Variants in SPRY3 observed in about 807,000 individuals in gnomAD.
SPRY3 encodes sprouty RTK signaling antagonist 3, also known as protein sprouty homolog 3.
Under a neutral mutation model 20.2 loss-of-function variants are expected in SPRY3, and 15 were observed. That is an observed-to-expected ratio of 0.74 (90% confidence interval 0.50 to 1.14). The LOEUF is 1.14. Among genes scored for constraint, SPRY3 ranks in the 50% most tolerant of loss-of-function variants. The probability of loss-of-function intolerance (pLI) is 0.00; values close to 1 mark genes in which losing one functional copy is unlikely to be tolerated. For missense variants in SPRY3, 364 were observed against 363.9 expected, an observed-to-expected ratio of 1.00 and a Z score of 0.00; for synonymous variants, 143 against 136.5, an observed-to-expected ratio of 1.05 and a Z score of -0.33.
intron 2 of SPRY3, among the ~76,000 whole-genome samples, chrX:155,744,883 C>A (rs1412393731): frequency 2.6e-5 from 4 of 151,914 alleles, no homozygotes; most frequent in Admixed American, 1.3e-4. Context: ...TTGGATTGGG[C>A]TTCAGGGGTT....
At chrX:155,646,957 T>A (rs782725277) in intron 1 of SPRY3, among the ~76,000 whole-genome samples, 1 of 111,857 alleles carries the variant, frequency 8.9e-6, no homozygotes, top group South Asian at 3.7e-4. Context: ...TATGTGAAGG[T>A]ACATTTTTTT....
intron 3 of SPRY3, among the ~76,000 whole-genome samples, chrX:155,771,064 G>T (rs1476804593): frequency 6.6e-6 from 1 of 152,162 alleles, no homozygotes; most frequent in Admixed American, 6.5e-5. Flanking sequence ...AGTTCATCCT[G>T]TCAGTTCCCT....
chrX:155,723,063 C>G (rs1408329250), intron 2 of SPRY3, among the ~76,000 whole-genome samples: 1 of 151,858 alleles, frequency 6.6e-6, no homozygotes, highest in African/African-American at 2.4e-5. Context: ...ATACTTTGCT[C>G]AGAATGATGG....
intron 2 of SPRY3, among the ~76,000 whole-genome samples, chrX:155,686,904 A>T (rs2068089365): frequency 8.9e-6 from 1 of 112,319 alleles, no homozygotes; most frequent in African/African-American, 3.2e-5. Flanking sequence ...GAAAGAAGAA[A>T]CGGGATATTC....
downstream of SPRY3, chrX:155,779,038 A>T (rs1243033959): frequency 6.0e-6 from 1 of 167,018 alleles, no homozygotes; most frequent in Admixed American, 6.5e-5. Context: ...TAATTTCGCA[A>T]TTTTTTGTGA....
chrX:155,739,148 T>G (rs1445966476), intron 2 of SPRY3, among the ~76,000 whole-genome samples: 1 of 151,552 alleles, frequency 6.6e-6, no homozygotes, highest in Admixed American at 6.6e-5. Flanking sequence ...CCAGCAGGAG[T>G]TCTCCATAAG....
At chrX:155,766,060 CAGG>C (rs1165725829) in intron 2 of SPRY3, among the ~76,000 whole-genome samples, 23 of 152,280 alleles carry the variant, frequency 1.5e-4, no homozygotes, top group African/African-American at 4.8e-4. Flanking sequence ...AGAGAATTTA[CAGG>C]AGATTTCCTG....
chrX:155,746,565 G>A (rs2091227696), intron 2 of SPRY3, among the ~76,000 whole-genome samples: 3 of 151,920 alleles, frequency 2.0e-5, no homozygotes, highest in African/African-American at 7.2e-5. Flanking sequence ...GTGTAAAGGG[G>A]AGAAAACATT....
At chrX:155,708,783 A>G (rs373076255) in intron 2 of SPRY3, among the ~76,000 whole-genome samples, 1 of 151,388 alleles carries the variant, frequency 6.6e-6, no homozygotes, top group Non-Finnish European at 1.5e-5. Context: ...TAAAATGTAC[A>G]ATTAGGTTAT....
chrX:155,689,676 T>G (rs2068097840), intron 2 of SPRY3, among the ~76,000 whole-genome samples: 1 of 87,041 alleles, frequency 1.1e-5, no homozygotes, highest in African/African-American at 5.5e-5. Flanking sequence ...CCCTTTGTCA[T>G]TTTTAATTGT....
At chrX:155,665,396 G>A (rs782374666) in intron 2 of SPRY3, among the ~76,000 whole-genome samples, 16 of 111,188 alleles carry the variant, frequency 1.4e-4, no homozygotes, top group Non-Finnish European at 2.8e-4. Flanking sequence ...GAGATATGGT[G>A]AAGGATGTTC....
intron 2 of SPRY3, among the ~76,000 whole-genome samples, chrX:155,718,779 A>C (rs911482189): frequency 6.6e-6 from 1 of 152,236 alleles, no homozygotes; most frequent in African/African-American, 2.4e-5. Context: ...TTAAAAAATA[A>C]ATTGAGATAG....
intron 2 of SPRY3, among the ~76,000 whole-genome samples, chrX:155,667,273 T>C (rs1557354405): frequency 9.0e-6 from 1 of 111,009 alleles, no homozygotes; most frequent in Non-Finnish European, 1.9e-5. Flanking sequence ...ATTTTGTTTG[T>C]TGTTTTCTTA....
chrX:155,744,922 T>C (rs1247519824), intron 2 of SPRY3, among the ~76,000 whole-genome samples: 2 of 152,050 alleles, frequency 1.3e-5, no homozygotes, highest in Non-Finnish European at 2.9e-5. Flanking sequence ...ATTCAGATTG[T>C]ATTTTAGGAA....
At chrX:155,760,064 T>C (rs1203737426) in intron 2 of SPRY3, among the ~76,000 whole-genome samples, 1 of 152,178 alleles carries the variant, frequency 6.6e-6, no homozygotes, top group Non-Finnish European at 1.5e-5. Context: ...CTGGTTTTAA[T>C]GTGTTTGACT....
intron 2 of SPRY3, among the ~76,000 whole-genome samples, chrX:155,760,530 T>G (rs750689296): frequency 7.9e-5 from 12 of 152,260 alleles, no homozygotes; most frequent in African/African-American, 2.6e-4. Flanking sequence ...GCGACAAAGT[T>G]TGTGTCTTTC....
chrX:155,628,562 T>C (rs1180162386), intron 1 of SPRY3, among the ~76,000 whole-genome samples: 1 of 111,818 alleles, frequency 8.9e-6, no homozygotes, highest in African/African-American at 3.3e-5. Context: ...CCAACAAACA[T>C]ATGAAAAAAA....
At chrX:155,760,586 C>T (rs1475495769) in intron 2 of SPRY3, among the ~76,000 whole-genome samples, 5 of 152,010 alleles carry the variant, frequency 3.3e-5, no homozygotes, top group Non-Finnish European at 4.4e-5. Flanking sequence ...CACCAGGGAC[C>T]GGTTTTGTGG....
intron 2 of SPRY3, among the ~76,000 whole-genome samples, chrX:155,747,228 G>T (rs1482763011): frequency 4.6e-5 from 7 of 151,786 alleles, no homozygotes; most frequent in Non-Finnish European, 1.0e-4. Flanking sequence ...TCAACTAATT[G>T]CAGGATTCAT....
Sources: allele counts gnomAD v4.1 joint callset (sites outside exome capture counted in the v4.1 genomes callset), GRCh38; gene constraint gnomAD v4.1.1; transcripts MANE v1.5; gene names NCBI Gene and HGNC (gene_info 2026-07-23, HGNC 2026-07-21).